The following TTC7A variants were observed in gnomAD, a reference collection of about 807,000 sequenced individuals.
The protein encoded by TTC7A is tetratricopeptide repeat protein 7A.
Under a neutral mutation model 103.7 loss-of-function variants are expected in TTC7A, and 110 were observed. That is an observed-to-expected ratio of 1.06 (90% CI 0.91 to 1.24). The LOEUF is 1.24. Among genes scored for constraint, TTC7A ranks in the 50% most tolerant of loss-of-function variants. TTC7A has a pLI of 0.00. For missense variants in TTC7A, 1,340 were observed against 1,116.3 expected (o/e 1.20, Z -2.86); for synonymous variants, 521 against 467.9 (o/e 1.11, Z -1.47).
intron 2 of TTC7A, 42 bp downstream of exon 2, chr2:46,950,568 C>G (rs774819331): frequency 1.9e-6 from 3 of 1,603,398 alleles, no homozygotes; most frequent in Non-Finnish European, 2.6e-6. Context: ...CTCTCCTCGT[C>G]TGTCTTGCCT....
At chr2:47,040,458 A>C (rs1386927265) in intron 15 of TTC7A, 1 of 152,284 alleles carries the variant, frequency 6.6e-6, no homozygotes, top group Non-Finnish European at 1.5e-5. Context: ...TCCACAGCTT[A>C]AACAGGAAAA....
intron 15 of TTC7A, among the ~76,000 whole-genome samples, chr2:47,037,213 G>A (rs367687329): frequency 6.6e-5 from 10 of 152,304 alleles, no homozygotes; most frequent in African/African-American, 2.2e-4. Context: ...TTCCCAATGC[G>A]TTGGATGTCT....
At chr2:46,953,660 C>T (rs965145801) in intron 2 of TTC7A, among the ~76,000 whole-genome samples, 3 of 152,114 alleles carry the variant, frequency 2.0e-5, no homozygotes, top group Non-Finnish European at 4.4e-5. Context: ...TCTAAGACCC[C>T]GTCCAGCTCA....
chr2:46,957,105 C>T, intron 3 of TTC7A, 98 bp downstream of exon 3: 1 of 1,481,646 alleles, frequency 6.7e-7, no homozygotes, highest in Admixed American at 1.7e-5. Flanking sequence ...GATTCTTCAC[C>T]CCTGGTAGTG....
intron 5 of TTC7A, among the ~76,000 whole-genome samples, chr2:46,982,896 G>A (rs1674615805): frequency 6.6e-6 from 1 of 152,058 alleles, no homozygotes; most frequent in South Asian, 2.1e-4. Flanking sequence ...GAGCCCAGGA[G>A]ATCGAGGCTG....
At chr2:47,032,363 G>A (rs182120462) in intron 15 of TTC7A, among the ~76,000 whole-genome samples, 56 of 152,316 alleles carry the variant, frequency 3.7e-4, no homozygotes, top group African/African-American at 1.1e-3. Context: ...CCCCTGTCTC[G>A]GGTGCTTCCC....
At chr2:47,009,613 T>C (rs978014370) in intron 10 of TTC7A, among the ~76,000 whole-genome samples, 7 of 152,164 alleles carry the variant, frequency 4.6e-5, no homozygotes, top group African/African-American at 1.4e-4. Context: ...GGATCATAGC[T>C]GTGCACCTGC....
intron 19 of TTC7A, among the ~76,000 whole-genome samples, chr2:47,063,560 G>C (rs1019336088): frequency 2.6e-5 from 4 of 152,240 alleles, no homozygotes; most frequent in African/African-American, 9.6e-5. Context: ...TCAGTCATCT[G>C]AGCCTTTGTG....
intron 11 of TTC7A, among the ~76,000 whole-genome samples, chr2:47,018,763 T>A (rs1678964424): frequency 6.6e-6 from 1 of 152,164 alleles, no homozygotes; most frequent in Non-Finnish European, 1.5e-5. Flanking sequence ...TGCCCCATCT[T>A]ATCTCATCCT....
At chr2:47,051,146 T>C (rs1276782778) in intron 17 of TTC7A, among the ~76,000 whole-genome samples, 2 of 152,188 alleles carry the variant, frequency 1.3e-5, no homozygotes, top group Non-Finnish European at 2.9e-5. Context: ...AATGAGAATA[T>C]GCACTTGTGA....
chr2:46,999,465 T>G, intron 8 of TTC7A: 46 of 985,182 alleles, frequency 4.7e-5, no homozygotes, highest in Non-Finnish European at 5.4e-5. Context: ...ACCCACCATG[T>G]ATCCATCTAA....
In TTC7A at chr2:47,050,318, C is replaced by T. The variant is rs146655768; in HGVS notation, c.2017+272C>T. On this transcript the variant is annotated intron_variant, in intron 17 of 19. Coordinates refer to ENST00000319190, the MANE Select transcript of TTC7A (RefSeq NM_020458.4). ...CCTGGCTGAAAAGGTGGCTGTGGAG[C>T]ACAGAAACCGTTTCCCCTTAGGCTC... 4.3e-4 allele frequency: 212 copies of T among 490,990 alleles called. 1 individual carries two copies. The East Asian group carries it at 6.9e-3, about 16-fold the overall frequency. The allele number at this position is 490,990 out of a possible 1,614,324, so 30.4% of individuals were successfully genotyped here.
intron 18 of TTC7A, among the ~76,000 whole-genome samples, chr2:47,059,615 G>A (rs1246920639): frequency 1.3e-5 from 2 of 152,122 alleles, no homozygotes; most frequent in African/African-American, 2.4e-5. Flanking sequence ...GGGGCCCAAA[G>A]AGAGATCCCT....
In TTC7A at chr2:46,975,123, G is replaced by A. The variant is rs200822853; in HGVS notation, c.648+20G>A. On this transcript the variant is annotated intron_variant, in intron 4 of 19. Transcript: ENST00000319190. ...GAGAAGGTGAGCTGGAAATAACACC[G>A]TGGTAGGAGCTGCTCTCTATTGAGC... is the stretch of plus-strand genomic sequence containing the variant. 119 of 1,612,216 alleles carry A rather than the reference G, an allele frequency of 7.4e-5. 1 individual carries two copies. The highest frequency in any genetic ancestry group is 6.5e-4 in the East Asian group (29 of 44,794).
intron 5 of TTC7A, among the ~76,000 whole-genome samples, chr2:46,983,000 G>A (rs941637301): frequency 1.9e-4 from 29 of 152,120 alleles, no homozygotes; most frequent in African/African-American, 7.0e-4. Flanking sequence ...AATAAAAATA[G>A]AAATAAAGGA....
At chr2:47,037,637 A>G (rs1429210920) in intron 15 of TTC7A, among the ~76,000 whole-genome samples, 1 of 152,214 alleles carries the variant, frequency 6.6e-6, no homozygotes, top group African/African-American at 2.4e-5. Flanking sequence ...TTCAATAACA[A>G]TAACAATGAT....
At chr2:46,957,542 A>G (rs1671982436) in intron 3 of TTC7A, among the ~76,000 whole-genome samples, 1 of 152,204 alleles carries the variant, frequency 6.6e-6, no homozygotes, top group Non-Finnish European at 1.5e-5. Context: ...CCAGTGATGA[A>G]CAGGTCAGAA....
intron 2 of TTC7A, among the ~76,000 whole-genome samples, chr2:46,952,087 G>C (rs1671467643): frequency 6.6e-6 from 1 of 152,178 alleles, no homozygotes; most frequent in Non-Finnish European, 1.5e-5. Flanking sequence ...CACCAGGCCA[G>C]GATGTGCAGG....
chr2:47,067,199 T>C (rs1573088244), intron 19 of TTC7A, among the ~76,000 whole-genome samples: 1 of 152,246 alleles, frequency 6.6e-6, no homozygotes, highest in South Asian at 2.1e-4. Context: ...ATTCAATCCA[T>C]AGCACTGGCT....
Sources: allele counts gnomAD v4.1 joint callset (sites outside exome capture counted in the v4.1 genomes callset), GRCh38; gene constraint gnomAD v4.1.1; transcripts MANE v1.5; gene names NCBI Gene and HGNC (gene_info 2026-07-23, HGNC 2026-07-21).